Variants in PRSS23 observed in about 807,000 individuals in gnomAD.
PRSS23 encodes protease, serine 23.
A neutral mutation model predicts 34.7 loss-of-function variants in PRSS23; 25 were observed. The observed-to-expected ratio is 0.72, with a 90% CI of 0.53 to 1.01. The LOEUF is 1.01. Among genes scored for constraint, PRSS23 ranks in the 50% least tolerant of loss-of-function variants. PRSS23 has a pLI of 0.00. For missense variants in PRSS23, 445 were observed against 475.6 expected (o/e 0.94, Z 0.60); for synonymous variants, 176 against 186.6 (o/e 0.94, Z 0.46).
At chr11:86,952,105 C>T in exon 3 of PRSS23, 1 of 1,614,056 alleles carries the variant, frequency 6.2e-7, no homozygotes, top group Non-Finnish European at 8.5e-7. Context: ...TATCAGTGAA[C>T]TCCTTGGCTG....
At chr11:86,802,369 A>G (rs1948050405) in intron 1 of PRSS23, among the ~76,000 whole-genome samples, 2 of 152,214 alleles carry the variant, frequency 1.3e-5, no homozygotes, top group South Asian at 4.1e-4. Flanking sequence ...TTTCCTGTAC[A>G]AGACTGTAAT....
At chr11:86,873,107 C>T (rs939635575) in intron 2 of PRSS23, among the ~76,000 whole-genome samples, 2 of 151,560 alleles carry the variant, frequency 1.3e-5, no homozygotes, top group Non-Finnish European at 2.9e-5. Flanking sequence ...TATTGTCTAT[C>T]CAACCCCCTC....
At chr11:86,927,539 G>A (rs369922189) in intron 2 of PRSS23, among the ~76,000 whole-genome samples, 1 of 151,976 alleles carries the variant, frequency 6.6e-6, no homozygotes, top group African/African-American at 2.4e-5. Flanking sequence ...ATGAGACGGG[G>A]TATCACTATA....
At chr11:86,928,051 A>G (rs1168741523) in intron 2 of PRSS23, among the ~76,000 whole-genome samples, 1 of 151,416 alleles carries the variant, frequency 6.6e-6, no homozygotes, top group Non-Finnish European at 1.5e-5. Flanking sequence ...CAGTTTTTTC[A>G]TTTATTTAGC....
intron 2 of PRSS23, among the ~76,000 whole-genome samples, chr11:86,893,628 G>T (rs1948856007): frequency 6.6e-6 from 1 of 152,204 alleles, no homozygotes; most frequent in Admixed American, 6.5e-5. Flanking sequence ...GATCATTATA[G>T]ATAGGTAGAT....
intron 2 of PRSS23, chr11:86,909,230 C>T (rs1693177184): frequency 6.6e-6 from 1 of 152,192 alleles, no homozygotes; most frequent in African/African-American, 2.4e-5. Context: ...TGTCACCTTC[C>T]TTAGGCTAAA....
chr11:86,796,275 T>C (rs1483630209), upstream of PRSS23, among the ~76,000 whole-genome samples: 1 of 152,180 alleles, frequency 6.6e-6, no homozygotes, highest in Non-Finnish European at 1.5e-5. Flanking sequence ...CCGAGTAGAC[T>C]ATTTTAAAAC....
At chr11:86,845,591 G>A (rs1388936211) in intron 2 of PRSS23, among the ~76,000 whole-genome samples, 1 of 152,160 alleles carries the variant, frequency 6.6e-6, no homozygotes, top group East Asian at 1.9e-4. Context: ...GGCTCAGAAA[G>A]CTGTGAAACT....
At chr11:86,860,807 C>T (rs1444923423) in intron 2 of PRSS23, among the ~76,000 whole-genome samples, 2 of 151,646 alleles carry the variant, frequency 1.3e-5, no homozygotes, top group South Asian at 2.1e-4. Context: ...CTCAGTATCG[C>T]GGGAAATGTA....
chr11:86,863,807 T>A (rs1395667449), intron 2 of PRSS23, among the ~76,000 whole-genome samples: 1 of 152,172 alleles, frequency 6.6e-6, no homozygotes, highest in Non-Finnish European at 1.5e-5. Flanking sequence ...AGCCACAAGC[T>A]GTGGGTAGAA....
upstream of PRSS23, among the ~76,000 whole-genome samples, chr11:86,796,506 T>C (rs1341677618): frequency 6.0e-5 from 9 of 151,122 alleles, no homozygotes. Flanking sequence ...CCGGGCGTGG[T>C]AGCGGGCGCC....
intron 2 of PRSS23, among the ~76,000 whole-genome samples, chr11:86,835,344 C>A (rs1948396449): frequency 6.6e-6 from 1 of 152,232 alleles, no homozygotes; most frequent in Non-Finnish European, 1.5e-5. Flanking sequence ...TTTCCTTACT[C>A]AGGTATGCCA....
At chr11:86,823,415 C>G in exon 2 of PRSS23, 2 of 702,318 alleles carry the variant, frequency 2.8e-6, no homozygotes, top group East Asian at 5.4e-5. Flanking sequence ...TGTGTGCCAA[C>G]CCTGGCCTAG....
At position 86,816,702 on chromosome 11, in the gene PRSS23, A is replaced by G. The variant is rs562494602; in HGVS notation, c.-11-6675A>G. 2.0e-5 allele frequency among the ~76,000 whole-genome samples: 3 copies of G among 152,314 alleles called. No individual in the cohort carries two copies. In the South Asian group the frequency reaches 6.2e-4, roughly 32 times the overall value. On this transcript the variant is annotated intron_variant, in intron 1 of 2. Coordinates refer to the PRSS23 transcript ENST00000533902. ...TGACAGGTTTTACTACTCCAGGATG[A>G]TTTCCAGACCAGCTGAACACAGCGT...
At chr11:86,926,515 T>A (rs1949082844) in intron 2 of PRSS23, among the ~76,000 whole-genome samples, 1 of 152,184 alleles carries the variant, frequency 6.6e-6, no homozygotes, top group Non-Finnish European at 1.5e-5. Context: ...ATAATGTGTA[T>A]CTGGAAGAAC....
upstream of PRSS23, chr11:86,800,503 C>G: frequency 2.0e-6 from 2 of 984,148 alleles, no homozygotes; most frequent in Non-Finnish European, 2.4e-6. Flanking sequence ...GCGCGGGGGG[C>G]GGACCCGCCA....
At chr11:86,833,414 C>A in intron 2 of PRSS23, 1 of 602,634 alleles carries the variant, frequency 1.7e-6, no homozygotes, top group Non-Finnish European at 3.1e-6. Flanking sequence ...TCTGAGAGTT[C>A]TAGGAGGAGG....
At chr11:86,947,200 C>T (rs909381410) in intron 2 of PRSS23, 2 of 132,698 alleles carry the variant, frequency 1.5e-5, no homozygotes, top group African/African-American at 7.1e-5. Flanking sequence ...AAGACCCTGT[C>T]TCAAACAAAC....
Position 86,811,218 on chromosome 11 carries a change from A to G in PRSS23, c.*2423A>G, listed in dbSNP as rs921030842. ...TTGTAAAATCTGCATTTAAATAAAC[A>G]TCTTTGATCACAAAACCCTTGTTTT... On this transcript the variant is annotated 3_prime_UTR_variant, in exon 2 of 2. Transcript: ENST00000280258. 6.6e-5 allele frequency: 11 copies of G among 166,894 alleles called. No individual in the cohort carries two copies. The highest frequency in any genetic ancestry group is 2.7e-4 in the African/African-American group (11 of 41,466). 10.3% of individuals were successfully genotyped at this position (166,894 alleles called of 1,614,324 possible).
Sources: allele counts gnomAD v4.1 joint callset (sites outside exome capture counted in the v4.1 genomes callset), GRCh38; gene constraint gnomAD v4.1.1; transcripts MANE v1.5; gene names NCBI Gene and HGNC (gene_info 2026-07-23, HGNC 2026-07-21).